HK2: variants seen among roughly 807,000 people sequenced by gnomAD.
HK2 encodes the protein hexokinase-2.
HK2 carries 42 observed loss-of-function variants against 92.9 expected under a neutral mutation model. That is an observed-to-expected ratio of 0.45 (90% confidence interval 0.35 to 0.58). The LOEUF (loss-of-function observed/expected upper bound fraction) is 0.58, where lower values mean the gene tolerates loss of function less well. Among genes scored for constraint, HK2 ranks in the 20% least tolerant of loss-of-function variants. The pLI is 0.00. For missense variants in HK2, 978 were observed against 1,245.1 expected, an observed-to-expected ratio of 0.79 and a Z score of 3.23; for synonymous variants, 422 against 468.0, an observed-to-expected ratio of 0.90 and a Z score of 1.27.
In HK2 at chr2:74,882,237, G is replaced by A; in HGVS notation, c.1837G>A (p.Glu613Lys). The stretch of plus-strand genomic sequence containing the variant: ...CCCCTGCCAGCAGAACAGCCTGGAC[G>A]AGGTAACAGCACCTTCCTGGAGGGC... ...SFPCQQNSLD[E>K]SILLKWTKGF... The change falls in exon 12 of 18, where the codon GAG (glutamate) becomes AAG (lysine). Residue 613 changes from glutamate (E) to lysine (K), a missense_variant and splice_region_variant. Physicochemically the swap from Glu to Lys is moderately conservative, Grantham distance 56. Transcript: ENST00000290573. 6 of 1,614,012 alleles carry A rather than the reference G, an allele frequency of 3.7e-6. No individual in the cohort carries two copies. The highest frequency in any genetic ancestry group is 1.1e-5 in the South Asian group (1 of 91,082).
At chr2:74,860,385 A>T (rs1688797562) in intron 2 of HK2, among the ~76,000 whole-genome samples, 2 of 152,226 alleles carry the variant, frequency 1.3e-5, no homozygotes, top group South Asian at 4.1e-4. Context: ...ATCACCCCAG[A>T]AAGTTACCTT....
intron 2 of HK2, among the ~76,000 whole-genome samples, chr2:74,860,168 T>A (rs1573369020): frequency 2.9e-5 from 1 of 34,394 alleles, no homozygotes; most frequent in Non-Finnish European, 5.6e-5. Context: ...CTTGGAAGGG[T>A]GAGGGTAGGA....
At chr2:74,877,091 A>G (rs10153634) in intron 7 of HK2, 75 bp from the exon 8 acceptor site, 281,473 of 1,590,530 alleles carry the variant, frequency 0.18, 25,625 homozygotes, top group African/African-American at 0.23. Flanking sequence ...ACGTGTGCGC[A>G]TCTTGCTTCA....
At position 74,891,803 on chromosome 2, in the gene HK2, T is replaced by C. The variant is rs1689686275; in HGVS notation, c.*862T>C. On this transcript the variant is annotated 3_prime_UTR_variant, in exon 18 of 18. Coordinates refer to ENST00000290573, the MANE Select transcript of HK2 (RefSeq NM_000189.5). ...TTGACATGTAATGAATGGTCAGTTGTACGTAATGTATTTATATGTTAATTT... is the reference window on the plus strand; with the variant it reads ...TTGACATGTAATGAATGGTCAGTTGCACGTAATGTATTTATATGTTAATTT... The C allele has an allele frequency of 6.5e-6, 1 of 152,694 alleles. No individual in the cohort carries two copies. Among genetic ancestry groups the C allele is most frequent in the South Asian group, 2.1e-4 (1 of 4,836 alleles). 9.5% of individuals were successfully genotyped at this position (152,694 alleles called of 1,614,324 possible).
intron 10 of HK2, among the ~76,000 whole-genome samples, chr2:74,881,212 A>G (rs934745193): frequency 1.6e-4 from 25 of 152,206 alleles, no homozygotes; most frequent in Non-Finnish European, 1.3e-4. Context: ...ACAGAAAAAG[A>G]TTTCTGACCC....
chr2:74,845,404 G>A (rs956069359), intron 1 of HK2, among the ~76,000 whole-genome samples: 36 of 152,248 alleles, frequency 2.4e-4, no homozygotes, highest in Admixed American at 1.5e-3. Flanking sequence ...CTGCTGCTCC[G>A]CAGTCAGAAC....
rs556684355 is a variant in HK2, at chr2:74,879,662, G to A, written c.1266-603G>A. On this transcript the variant is annotated intron_variant, in intron 9 of 17. Coordinates refer to ENST00000290573, the MANE Select transcript of HK2 (RefSeq NM_000189.5). ...CCCCAGTAGGCTGCAGCCTACTCCTGCACTTGGAGTAGGAAGGCCCTGGAG... is the reference window on the plus strand; with the variant it reads ...CCCCAGTAGGCTGCAGCCTACTCCTACACTTGGAGTAGGAAGGCCCTGGAG... Among the ~76,000 whole-genome samples the A allele has an allele frequency of 1.8e-4, 27 of 152,302 alleles. No individual in the cohort carries two copies. In the South Asian group the frequency reaches 5.4e-3, roughly 30 times the overall value.
chr2:74,881,978 C>T, intron 11 of HK2, 119 bp downstream of exon 11: 1 of 1,417,944 alleles, frequency 7.1e-7, no homozygotes, highest in Non-Finnish European at 9.9e-7. Context: ...CCCAGGGCTG[C>T]AGCCTGGTCT....
rs1333579043 is a variant in HK2 at position 74,888,037 on chromosome 2, A to T, written c.2354A>T (p.Lys785Met). ...AAGACAAGGGGCATCTTTGAAACCA[A>T]GTTCTTGTCTCAGATTGAGAGGTGA... is the stretch of plus-strand genomic sequence containing the variant. ...RLKTRGIFETKFLSQIESDCL... is the reference protein window; with the variant it reads ...RLKTRGIFETMFLSQIESDCL... The change falls in exon 16 of 18, where the codon AAG becomes ATG. Residue 785 changes from lysine to methionine, a missense_variant. Lys to Met is a moderately conservative substitution (Grantham distance 95). This residue lies in a region of HK2 where 742 missense variants were observed against 922.5 expected (regional missense o/e 0.80). Transcript: ENST00000290573. 2 of 1,614,210 alleles carry T rather than the reference A, an allele frequency of 1.2e-6. No individual in the cohort carries two copies. The highest frequency in any genetic ancestry group is 4.5e-5 in the East Asian group (2 of 44,888).
At chr2:74,875,278 C>T (rs1232779360) in intron 7 of HK2, among the ~76,000 whole-genome samples, 2 of 151,292 alleles carry the variant, frequency 1.3e-5, no homozygotes, top group Non-Finnish European at 2.9e-5. Flanking sequence ...GAAAATTGAA[C>T]CCTATAAATC....
At chr2:74,840,690 A>AC (rs1357113386) in intron 1 of HK2, among the ~76,000 whole-genome samples, 5 of 137,324 alleles carry the variant, frequency 3.6e-5, no homozygotes, top group Admixed American at 7.5e-5. Flanking sequence ...ACACGGTGAA[A>AC]CCCCGTCTCT....
chr2:74,837,964 G>A (rs894549466), intron 1 of HK2, among the ~76,000 whole-genome samples: 27 of 152,084 alleles, frequency 1.8e-4, no homozygotes, highest in African/African-American at 6.3e-4. Context: ...GTGAGCCACC[G>A]CACGAGGCCT....
chr2:74,835,781 G>A (rs1688150405), intron 1 of HK2, among the ~76,000 whole-genome samples: 1 of 152,364 alleles, frequency 6.6e-6, no homozygotes, highest in Admixed American at 6.5e-5. Flanking sequence ...AGAGCTGTGA[G>A]GCAACGGAGC....
At chr2:74,886,773 G>A (rs1225432851) in intron 15 of HK2, 100 bp downstream of exon 15, 26 of 1,238,686 alleles carry the variant, frequency 2.1e-5, no homozygotes, top group Middle Eastern at 1.9e-4. Context: ...GCCGGTTCTC[G>A]TGAGATGTTA....
In HK2 at chr2:74,888,078, G is replaced by A. The variant is rs1689583844; in HGVS notation, c.2375+20G>A. On this transcript the variant is annotated intron_variant, in intron 16 of 17. Transcript: ENST00000290573. ...TGAGAGGTGAGAGCTTAGGGCTCAG[G>A]GTAGCAGGGGGGCCATGTCCTTTTT... 6.2e-7 allele frequency: 1 copy of A among 1,613,364 alleles called. No individual in the cohort carries two copies. Among genetic ancestry groups the A allele is most frequent in the South Asian group, 1.1e-5 (1 of 91,068 alleles).
At position 74,889,298 on chromosome 2, in the gene HK2, A is replaced by C; in HGVS notation, c.2429A>C (p.Glu810Ala). 2 of 1,614,214 alleles carry C rather than the reference A, an allele frequency of 1.2e-6. No individual in the cohort carries two copies. Among genetic ancestry groups the C allele is most frequent in the Non-Finnish European group, 1.7e-6 (2 of 1,180,044 alleles). Reference sequence around the variant, plus strand: ...GCCATCCTGCAACACTTAGGGCTTGAGAGCACCTGTGACGACAGCATCATT... The same window carrying C: ...GCCATCCTGCAACACTTAGGGCTTGCGAGCACCTGTGACGACAGCATCATT... ...VRAILQHLGL[E>A]STCDDSIIVK... Residue 810 changes from glutamate (E) to alanine (A), a missense_variant, in exon 17 of 18, where the codon GAG (glutamate) becomes GCG (alanine). Around this residue, in one of 3 missense-constraint regions of HK2, gnomAD observed 742 missense variants for 922.5 expected, o/e 0.80. Transcript: ENST00000290573.
intron 1 of HK2, among the ~76,000 whole-genome samples, chr2:74,843,021 T>C (rs1455364320): frequency 6.6e-6 from 1 of 152,184 alleles, no homozygotes; most frequent in Non-Finnish European, 1.5e-5. Context: ...AGTTTGTCAG[T>C]TAAATACTTG....
At chr2:74,888,609 G>A (rs1051151518) in intron 16 of HK2, among the ~76,000 whole-genome samples, 1 of 152,188 alleles carries the variant, frequency 6.6e-6, no homozygotes, top group African/African-American at 2.4e-5. Flanking sequence ...TACTCTCAGG[G>A]CAGAGAAGAA....
chr2:74,890,065 A>AT (rs965134054), intron 17 of HK2, among the ~76,000 whole-genome samples: 6 of 152,046 alleles, frequency 3.9e-5, no homozygotes, highest in East Asian at 1.9e-4. Flanking sequence ...CTGGAGCAAG[A>AT]TTTTTTTTCA....
Sources: gnomAD v4.1 joint callset for allele counts (sites outside exome capture counted in the v4.1 genomes callset) on GRCh38, gnomAD v4.1.1 for gene constraint, gnomAD v4.1.1 regional missense constraint, MANE v1.5 for transcripts, NCBI Gene and HGNC (gene_info 2026-07-23, HGNC 2026-07-21) for gene names.